Variants in NR5A2 observed in about 807,000 individuals in gnomAD.
The protein encoded by NR5A2 is CYP7A promoter-binding factor.
NR5A2 carries 26 observed loss-of-function variants against 62.7 expected under a neutral mutation model. That is an observed-to-expected ratio of 0.41 (90% CI 0.30 to 0.58). The LOEUF (loss-of-function observed/expected upper bound fraction) is 0.58, where lower values mean the gene tolerates loss of function less well. Among genes scored for constraint, NR5A2 ranks in the 20% least tolerant of loss-of-function variants. The pLI, the probability that NR5A2 is intolerant of heterozygous loss-of-function variation, is 0.22. For missense variants in NR5A2, 541 were observed against 669.1 expected, an observed-to-expected ratio of 0.81 and a Z score of 2.11; for synonymous variants, 246 against 241.7, an observed-to-expected ratio of 1.02 and a Z score of -0.16.
chr1:200,047,151 T>C (rs1326629460), intron 4 of NR5A2, among the ~76,000 whole-genome samples: 3 of 152,370 alleles, frequency 2.0e-5, no homozygotes, highest in East Asian at 3.9e-4. Flanking sequence ...TTGGCCACTA[T>C]GGACTTAGAG....
intron 5 of NR5A2, among the ~76,000 whole-genome samples, chr1:200,069,507 G>A (rs938388213): frequency 6.6e-6 from 1 of 152,096 alleles, no homozygotes; most frequent in Non-Finnish European, 1.5e-5. Context: ...ACCCACCTCA[G>A]CCTTCCAAAG....
At chr1:200,104,891 G>A (rs1665572122) in intron 5 of NR5A2, among the ~76,000 whole-genome samples, 1 of 152,144 alleles carries the variant, frequency 6.6e-6, no homozygotes, top group Non-Finnish European at 1.5e-5. Flanking sequence ...TCGAATTCCC[G>A]ACCTCAAGTA....
chr1:200,049,695 A>G (rs1351936343), intron 5 of NR5A2, among the ~76,000 whole-genome samples: 1 of 152,218 alleles, frequency 6.6e-6, no homozygotes, highest in African/African-American at 2.4e-5. Context: ...ATTTTGTCAC[A>G]AAATCAATTT....
At chr1:200,104,611 T>C (rs572862827) in intron 5 of NR5A2, among the ~76,000 whole-genome samples, 51 of 152,300 alleles carry the variant, frequency 3.3e-4, no homozygotes, top group African/African-American at 1.2e-3. Flanking sequence ...GAATAATAGC[T>C]GGACTTAATT....
chr1:200,103,999 G>C (rs1308326694), intron 5 of NR5A2, among the ~76,000 whole-genome samples: 2 of 152,218 alleles, frequency 1.3e-5, no homozygotes, highest in Non-Finnish European at 2.9e-5. Flanking sequence ...CTGGGGTTTG[G>C]TGGGAATAGA....
chr1:200,059,473 C>T (rs991869005), intron 5 of NR5A2, among the ~76,000 whole-genome samples: 4 of 152,200 alleles, frequency 2.6e-5, no homozygotes, highest in African/African-American at 9.7e-5. Flanking sequence ...TATTCCAGTA[C>T]TTATGCTTTT....
intron 5 of NR5A2, among the ~76,000 whole-genome samples, chr1:200,109,012 T>C (rs1223499072): frequency 6.6e-6 from 1 of 152,210 alleles, no homozygotes; most frequent in Non-Finnish European, 1.5e-5. Context: ...ATGTGAACTC[T>C]CACTGTCCAC....
rs756874909 is a variant in NR5A2, at chr1:200,066,588, C to CTTTTTTTTTTTTTTT, written c.1110+17773_1110+17787dup. Among the ~76,000 whole-genome samples the CTTTTTTTTTTTTTTT allele has an allele frequency of 4.5e-3, 508 of 113,072 alleles. 41 individuals carry two copies. Among genetic ancestry groups the CTTTTTTTTTTTTTTT allele is most frequent in the African/African-American group, 5.9e-3 (144 of 24,442 alleles). 74.2% of individuals were successfully genotyped at this position (113,072 alleles called of 152,430 possible). A position where few individuals can be genotyped will look rare whatever the true frequency, so the allele number is the denominator to read the frequency against. ...CCCTGCCATCTATTTAATTAATTAT[C>CTTTTTTTTTTTTTTT]TTTTTTTTTTTTTTTTTGAGAGGGA... is the stretch of plus-strand genomic sequence containing the variant. On this transcript the variant is annotated intron_variant, in intron 5 of 7. Transcript: ENST00000367362.
intron 7 of NR5A2, among the ~76,000 whole-genome samples, chr1:200,138,507 G>T (rs1667321747): frequency 6.6e-6 from 1 of 152,132 alleles, no homozygotes; most frequent in Admixed American, 6.5e-5. Context: ...AGGTCTTAAA[G>T]TACATTCTCC....
At chr1:200,036,208 CTGTCTT>C (rs1386995925) in intron 1 of NR5A2, among the ~76,000 whole-genome samples, 1 of 152,196 alleles carries the variant, frequency 6.6e-6, no homozygotes, top group Non-Finnish European at 1.5e-5. Context: ...AGCCACTTGG[CTGTCTT>C]CATATTGTGG....
At chr1:200,143,033 A>T (rs1667515103) in intron 7 of NR5A2, among the ~76,000 whole-genome samples, 1 of 151,216 alleles carries the variant, frequency 6.6e-6, no homozygotes, top group Non-Finnish European at 1.5e-5. Flanking sequence ...TGTATGTAAA[A>T]AGTGTGTGTG....
intron 7 of NR5A2, among the ~76,000 whole-genome samples, chr1:200,150,181 G>C (rs1653002097): frequency 6.6e-6 from 1 of 152,116 alleles, no homozygotes; most frequent in South Asian, 2.1e-4. Flanking sequence ...TCCCCAGAAT[G>C]ACACATAAAA....
chr1:200,057,480 T>A (rs995740389), intron 5 of NR5A2: 6 of 228,372 alleles, frequency 2.6e-5, no homozygotes, highest in Admixed American at 6.0e-5. Context: ...CTAAATCAAT[T>A]TTTTTTCTTT....
intron 7 of NR5A2, among the ~76,000 whole-genome samples, chr1:200,169,992 A>G (rs1654096499): frequency 6.6e-6 from 1 of 152,220 alleles, no homozygotes; most frequent in Admixed American, 6.5e-5. Context: ...GTCTTTTGCT[A>G]AAATCCAGAT....
At chr1:200,084,916 C>CT (rs1478292431) in intron 5 of NR5A2, among the ~76,000 whole-genome samples, 1 of 152,172 alleles carries the variant, frequency 6.6e-6, no homozygotes, top group Admixed American at 6.5e-5. Flanking sequence ...CTGCTACAGT[C>CT]TAATACATTA....
Position 200,048,079 on chromosome 1 carries a change from T to C in NR5A2, c.464-93T>C, listed in dbSNP as rs1662455973. ...AAAACAACCACACACATACCACTTC[T>C]TGTCGATTTACATTTCTAAATATCT... is the stretch of plus-strand genomic sequence containing the variant. On this transcript the variant is annotated intron_variant, in intron 4 of 7. Coordinates refer to ENST00000367362, the MANE Select transcript of NR5A2 (RefSeq NM_205860.3). This position sits in a 1 kb window ranked among gnomAD's most constrained non-coding sequence, Gnocchi z 4.8. 4.0e-6 allele frequency: 5 copies of C among 1,245,268 alleles called. No homozygotes were observed. Among genetic ancestry groups the C allele is most frequent in the Non-Finnish European group, 3.4e-6 (3 of 892,700 alleles). The allele number at this position is 1,245,268 out of a possible 1,614,324, so 77.1% of individuals were successfully genotyped here.
chr1:200,136,602 G>A (rs1004215151), intron 7 of NR5A2, among the ~76,000 whole-genome samples: 43 of 152,272 alleles, frequency 2.8e-4, no homozygotes, highest in African/African-American at 9.9e-4. Flanking sequence ...ATAGAACTGG[G>A]ATTTGCACAC....
At chr1:200,075,365 T>C (rs1558123191) in intron 5 of NR5A2, among the ~76,000 whole-genome samples, 2 of 152,244 alleles carry the variant, frequency 1.3e-5, no homozygotes, top group African/African-American at 4.8e-5. Context: ...AGCATGCCAG[T>C]AGTTTTAATA....
intron 5 of NR5A2, among the ~76,000 whole-genome samples, chr1:200,051,433 A>G (rs558813059): frequency 1.1e-4 from 17 of 152,368 alleles, no homozygotes; most frequent in African/African-American, 4.1e-4. Flanking sequence ...TATTTGGCTA[A>G]AACATAAATA....
Sources: allele counts gnomAD v4.1 joint callset (sites outside exome capture counted in the v4.1 genomes callset), GRCh38; gene constraint gnomAD v4.1.1; non-coding constraint Gnocchi (gnomAD v3.1); transcripts MANE v1.5; gene names NCBI Gene and HGNC (gene_info 2026-07-23, HGNC 2026-07-21).